Variants in CARS1 observed in about 807,000 individuals in gnomAD.
CARS1 encodes the protein cysteine--tRNA ligase, cytoplasmic.
CARS1 carries 48 observed loss-of-function variants against 106.2 expected under a neutral mutation model. That is an observed-to-expected ratio of 0.45 (90% CI 0.36 to 0.57). The LOEUF is 0.57. CARS1 is among the 20% of genes least tolerant of loss of function. CARS1 has a pLI of 0.00. For synonymous variants in CARS1, 409 were observed against 403.4 expected (o/e 1.01, Z -0.17); for missense variants, 968 against 1,057.2 (o/e 0.92, Z 1.17).
intron 12 of CARS1, among the ~76,000 whole-genome samples, 193 bp from the exon 13 acceptor site, chr11:3,018,942 TA>T (rs1311210020): frequency 6.6e-6 from 1 of 152,218 alleles, no homozygotes; most frequent in East Asian, 1.9e-4. Context: ...AAATCCAGGC[TA>T]GTCTGTTGCC....
rs1855791913 is a variant in CARS1 at position 3,052,427 on chromosome 11, A to G, written c.26-4426T>C. ...CTCTGGTATTATTAATGTTATTGTA[A>G]TAGCCGCATGCTACACACAGAGAAT... On this transcript the variant is annotated intron_variant, in intron 1 of 22. Coordinates refer to ENST00000380525, the MANE Select transcript of CARS1 (RefSeq NM_001014437.3). The surrounding 1 kb of genome is among the most constrained non-coding windows in gnomAD (Gnocchi z 4.6). 6.6e-6 allele frequency among the ~76,000 whole-genome samples: 1 copy of G among 152,210 alleles called. No individual in the cohort carries two copies.
At position 3,012,259 on chromosome 11, in the gene CARS1, C is replaced by T. The variant is rs143959915; in HGVS notation, c.2004G>A (p.Met668Ile). 6.2e-7 allele frequency: 1 copy of T among 1,614,272 alleles called. No individual in the cohort carries two copies. Among genetic ancestry groups the T allele is most frequent in the African/African-American group, 1.3e-5 (1 of 75,084 alleles). The change falls in exon 18 of 23, where the codon ATG becomes ATA. Residue 668 changes from methionine to isoleucine, a missense_variant. Coordinates refer to ENST00000380525, the MANE Select transcript of CARS1 (RefSeq NM_001014437.3). ...ATTCTGATAACACCTGAAGGTAGGG[C>T]ATGACTGTGGCCTCGAGCTGCGGAA... ...GTSLSLEATV[M>I]PYLQVLSEFR... is the part of the protein sequence containing the mutation.
chr11:3,024,686 G>A (rs956134989), intron 10 of CARS1, among the ~76,000 whole-genome samples: 26 of 152,260 alleles, frequency 1.7e-4, no homozygotes, highest in East Asian at 5.8e-4. Flanking sequence ...GGGCTCAAGC[G>A]ATCCTCCTGC....
chr11:3,011,107 G>A lies in CARS1; in HGVS notation c.2068+1088C>T, dbSNP rs145697015. Among the ~76,000 whole-genome samples, 176 of 152,368 alleles carry A rather than the reference G, an allele frequency of 1.2e-3. 1 individual carries two copies. The highest frequency in any genetic ancestry group is 4.1e-3 in the African/African-American group (172 of 41,576). ...GGCAATGTGCAGAAAGCAGTGGGCAGGGCCCAGCACATCCTAAGTCCTCAG... is the reference window on the plus strand; with the variant it reads ...GGCAATGTGCAGAAAGCAGTGGGCAAGGCCCAGCACATCCTAAGTCCTCAG... On this transcript the variant is annotated intron_variant, in intron 18 of 22. Coordinates refer to ENST00000380525, the MANE Select transcript of CARS1 (RefSeq NM_001014437.3).
rs1482630360 is a variant in CARS1 at position 3,048,019 on chromosome 11, A to C, written c.26-18T>G. 3 of 1,606,714 alleles carry C rather than the reference A, an allele frequency of 1.9e-6. No homozygotes were observed. The highest frequency in any genetic ancestry group is 2.6e-6 in the Non-Finnish European group (3 of 1,174,570). ...GTCAGGAGCTGCAAAGACAGAGGGC[A>C]CATGGTGTCAGGCAGGCAGGCGGGC... On this transcript the variant is annotated intron_variant, in intron 1 of 22. Transcript: ENST00000380525. This position sits in a 1 kb window ranked among gnomAD's most constrained non-coding sequence, Gnocchi z 5.1.
rs1020697087 is a variant in CARS1, at chr11:3,021,486, G to A, written c.1154-1154C>T. On this transcript the variant is annotated intron_variant, in intron 10 of 22. Transcript: ENST00000380525. This position sits in a 1 kb window ranked among gnomAD's most constrained non-coding sequence, Gnocchi z 5.3. Reference sequence around the variant, plus strand: ...TTCCAGGTGACAAATCCACTTTTCAGGAGCCTAATCAGGCAACAGACCTAA... The same window carrying A: ...TTCCAGGTGACAAATCCACTTTTCAAGAGCCTAATCAGGCAACAGACCTAA... 2.6e-5 allele frequency among the ~76,000 whole-genome samples: 4 copies of A among 152,168 alleles called. No individual in the cohort carries two copies. The highest frequency in any genetic ancestry group is 9.7e-5 in the African/African-American group (4 of 41,408).
rs532308679 is a variant in CARS1, at chr11:3,047,653, G to A, written c.274+100C>T. 8.8e-6 allele frequency: 13 copies of A among 1,470,254 alleles called. No homozygotes were observed. In the East Asian group the frequency reaches 1.1e-4, roughly 13 times the overall value. The allele number at this position is 1,470,254 out of a possible 1,614,324, so 91.1% of individuals were successfully genotyped here. Reference sequence around the variant, plus strand: ...GACACACTTGGGCGAGGCTCCCTCTGGGGTATCCGCAGACGCCAGGTAAGC... The same window carrying A: ...GACACACTTGGGCGAGGCTCCCTCTAGGGTATCCGCAGACGCCAGGTAAGC... On this transcript the variant is annotated intron_variant, in intron 2 of 22. Transcript: ENST00000380525.
chr11:3,045,730 C>T lies in CARS1; in HGVS notation c.274+2023G>A, dbSNP rs1369802080. On this transcript the variant is annotated intron_variant, in intron 2 of 22. Transcript: ENST00000380525. This position sits in a 1 kb window ranked among gnomAD's most constrained non-coding sequence, Gnocchi z 5.6. ...GCGAGCAGGAGGAGGGGCACATGGC[C>T]CACTGTGCCAGCAAGGAAGGTGCAT... Among the ~76,000 whole-genome samples the T allele has an allele frequency of 6.6e-6, 1 of 152,148 alleles. No homozygotes were observed. The highest frequency in any genetic ancestry group is 1.5e-5 in the Non-Finnish European group (1 of 68,020).
intron 1 of CARS1, among the ~76,000 whole-genome samples, chr11:3,056,992 G>A (rs1250532527): frequency 2.0e-5 from 3 of 152,278 alleles, no homozygotes; most frequent in South Asian, 2.1e-4. Context: ...GAGTCCCAGG[G>A]GTCCCAGTGG....
At position 3,026,765 on chromosome 11, in the gene CARS1, G is replaced by GT; in HGVS notation, c.1063dup (p.Thr355AsnfsTer7). On this transcript the variant is annotated frameshift_variant, in exon 10 of 23. Coordinates refer to ENST00000380525, the MANE Select transcript of CARS1 (RefSeq NM_001014437.3). LOFTEE classifies it high-confidence loss of function. ...CTTCTCGCTAGAAGCAAACTTCGCT[G>GT]TATCAAAGTAGACAGACCCATTGGA... The GT allele has an allele frequency of 6.2e-7, 1 of 1,613,738 alleles. No individual in the cohort carries two copies. Among genetic ancestry groups the GT allele is most frequent in the Non-Finnish European group, 8.5e-7 (1 of 1,179,872 alleles).
Position 3,053,400 on chromosome 11 carries a change from T to G in CARS1, c.25+3943A>C, listed in dbSNP as rs868084199. 1.3e-4 allele frequency among the ~76,000 whole-genome samples: 19 copies of G among 151,894 alleles called. No individual in the cohort carries two copies. The highest frequency in any genetic ancestry group is 2.6e-4 in the Admixed American group (4 of 15,252). ...TGCCCGCCACCATGCCCAGCTAATT[T>G]TTGTATTTTTAGTAGAGACGGGGTT... On this transcript the variant is annotated intron_variant, in intron 1 of 22. Coordinates refer to ENST00000380525, the MANE Select transcript of CARS1 (RefSeq NM_001014437.3). This position sits in a 1 kb window ranked among gnomAD's most constrained non-coding sequence, Gnocchi z 6.6.
chr11:3,038,328 C>G lies in CARS1; in HGVS notation c.652-129G>C, dbSNP rs950535033. ...CCATAGAGATAGAGAAGTGTGCAAC[C>G]CAAGTGGCCAGGCAGTAAGGAACTA... On this transcript the variant is annotated intron_variant, in intron 6 of 22. Coordinates refer to ENST00000380525, the MANE Select transcript of CARS1 (RefSeq NM_001014437.3). This position sits in a 1 kb window ranked among gnomAD's most constrained non-coding sequence, Gnocchi z 4.0. 9.6e-6 allele frequency: 8 copies of G among 834,706 alleles called. No homozygotes were observed. The highest frequency in any genetic ancestry group is 1.5e-5 in the Non-Finnish European group (8 of 520,784). 51.7% of individuals were successfully genotyped at this position (834,706 alleles called of 1,614,324 possible). A position where few individuals can be genotyped will look rare whatever the true frequency, so the allele number is the denominator to read the frequency against.
In CARS1 at chr11:3,039,085, C is replaced by G; in HGVS notation, c.651+109G>C. ...ACGGAACTGGCTTGAGTAACATACACTTTGTGAAAGCCTGTGAGACTGACA... is the reference window on the plus strand; with the variant it reads ...ACGGAACTGGCTTGAGTAACATACAGTTTGTGAAAGCCTGTGAGACTGACA... On this transcript the variant is annotated intron_variant, in intron 6 of 22. Transcript: ENST00000380525. This position sits in a 1 kb window ranked among gnomAD's most constrained non-coding sequence, Gnocchi z 5.6. The G allele has an allele frequency of 1.4e-6, 1 of 714,420 alleles. No individual in the cohort carries two copies. The highest frequency in any genetic ancestry group is 2.4e-6 in the Non-Finnish European group (1 of 415,062). The allele number at this position is 714,420 out of a possible 1,614,324, so 44.3% of individuals were successfully genotyped here. A position where few individuals can be genotyped will look rare whatever the true frequency, so the allele number is the denominator to read the frequency against.
In CARS1 at chr11:3,051,379, G is replaced by A. The variant is rs1159898582; in HGVS notation, c.26-3378C>T. Among the ~76,000 whole-genome samples the A allele has an allele frequency of 4.6e-5, 7 of 152,314 alleles. No individual in the cohort carries two copies. The East Asian group carries it at 1.4e-3, about 29-fold the overall frequency. ...CAGGCCCAGTGTCAGCACTGACACT[G>A]CCGGGGCTTCCCTCTGAGAAGAAGG... is the stretch of plus-strand genomic sequence containing the variant. On this transcript the variant is annotated intron_variant, in intron 1 of 22. Transcript: ENST00000380525.
At chr11:3,018,325 G>A in intron 14 of CARS1, 83 bp downstream of exon 14, 2 of 870,430 alleles carry the variant, frequency 2.3e-6, no homozygotes, top group East Asian at 2.6e-5. Context: ...CGGGAGGCTG[G>A]TGCACCTATC....
At chr11:3,042,430 C>CTT (rs764121709) in intron 2 of CARS1, 174 bp from the exon 3 acceptor site, 416 of 508,418 alleles carry the variant, frequency 8.2e-4, no homozygotes, top group Middle Eastern at 2.5e-3. Flanking sequence ...ACAACTGCGT[C>CTT]TTTTTTTTTT....
In CARS1 at chr11:3,029,390, A is replaced by C. The variant is rs529069776; in HGVS notation, c.855T>G (p.Leu285=). 24 of 1,614,142 alleles carry C rather than the reference A, an allele frequency of 1.5e-5. No individual in the cohort carries two copies. In the South Asian group the frequency reaches 2.5e-4, roughly 17 times the overall value. The change falls in exon 8 of 23, where the codon CTT becomes CTG. Residue 285 remains leucine (L), a synonymous_variant. Coordinates refer to ENST00000380525, the MANE Select transcript of CARS1 (RefSeq NM_001014437.3). This position sits in a 1 kb window ranked among gnomAD's most constrained non-coding sequence, Gnocchi z 5.9. ...TGGAATTGTCAGTGACATCACAGCCAAGTGTAGAATCCAGCCAGTCAGAGA... is the reference window on the plus strand; with the variant it reads ...TGGAATTGTCAGTGACATCACAGCCCAGTGTAGAATCCAGCCAGTCAGAGA... The part of the protein sequence containing the change: ...DLLSDWLDST[L]GCDVTDNSIF...
Position 3,015,782 on chromosome 11 carries a change from C to T in CARS1, c.1985G>A (p.Ser662Asn). ...FPVGGPGTSL[S>N]LEATVMPYLQ... ...GGCAGGACCCTGCATGCTACTCACACTGAGGCTGGTTCCAGGCCCTCCGAC... is the reference window on the plus strand; with the variant it reads ...GGCAGGACCCTGCATGCTACTCACATTGAGGCTGGTTCCAGGCCCTCCGAC... The change falls in exon 17 of 23, where the codon AGT (serine) becomes AAT (asparagine). Residue 662 changes from serine to asparagine, a missense_variant and splice_region_variant. Ser to Asn is a conservative substitution (Grantham distance 46). Transcript: ENST00000380525. 1 of 1,614,060 alleles carries T rather than the reference C, an allele frequency of 6.2e-7. No homozygotes were observed.
rs1305520964 is a variant in CARS1 at position 3,045,765 on chromosome 11, G to A, written c.274+1988C>T. ...AGCAAGGAAGGTGCATGCTTGGGGA[G>A]TATGAGCCATGGAAAGAGAGGGCGT... On this transcript the variant is annotated intron_variant, in intron 2 of 22. Coordinates refer to ENST00000380525, the MANE Select transcript of CARS1 (RefSeq NM_001014437.3). This position sits in a 1 kb window ranked among gnomAD's most constrained non-coding sequence, Gnocchi z 5.6. Among the ~76,000 whole-genome samples the A allele has an allele frequency of 2.6e-5, 4 of 152,228 alleles. No homozygotes were observed. The highest frequency in any genetic ancestry group is 5.9e-5 in the Non-Finnish European group (4 of 68,038).
Sources: allele counts gnomAD v4.1 joint callset (sites outside exome capture counted in the v4.1 genomes callset), GRCh38; gene constraint gnomAD v4.1.1; non-coding constraint Gnocchi (gnomAD v3.1); transcripts MANE v1.5; gene names NCBI Gene and HGNC (gene_info 2026-07-23, HGNC 2026-07-21).